The following ST7 variants were observed in gnomAD, a reference collection of about 807,000 sequenced individuals.
The protein encoded by ST7 is suppression of tumorigenicity 7, also known as suppressor of tumorigenicity 7 protein.
ST7 carries 28 observed loss-of-function variants against 78.7 expected under a neutral mutation model. That is an observed-to-expected ratio of 0.36 (90% CI 0.26 to 0.49). ST7 has a LOEUF of 0.49. Among genes scored for constraint, ST7 ranks in the 20% least tolerant of loss-of-function variants. The pLI is 0.99. For synonymous variants in ST7, 247 were observed against 249.6 expected, an observed-to-expected ratio of 0.99 and a Z score of 0.10; for missense variants, 418 against 696.0, an observed-to-expected ratio of 0.60 and a Z score of 4.49.
At chr7:117,125,340 T>A (rs1216730738) in intron 3 of ST7, among the ~76,000 whole-genome samples, 1 of 152,134 alleles carries the variant, frequency 6.6e-6, no homozygotes, top group Non-Finnish European at 1.5e-5. Flanking sequence ...CTCGACAGTA[T>A]TCTTGAAGAA....
chr7:116,955,068 C>G lies in ST7; in HGVS notation c.151+1377C>G, dbSNP rs1177180629. The G allele has an allele frequency of 2.6e-5, 12 of 468,734 alleles. No homozygotes were observed. In the Admixed American group the frequency reaches 2.9e-4, roughly 11 times the overall value. 29.0% of individuals were successfully genotyped at this position (468,734 alleles called of 1,614,324 possible). A position where few individuals can be genotyped will look rare whatever the true frequency, so the allele number is the denominator to read the frequency against. On this transcript the variant is annotated intron_variant, in intron 1 of 15. Coordinates refer to ENST00000323984, the MANE Select transcript of ST7 (RefSeq NM_001369598.1). ...TAGGTGCTGCTCAGCCCTTTTGAGT[C>G]TGTCATCGGAAAGACCATGGCTTTC...
At chr7:117,130,045 T>C (rs1804216613) in intron 4 of ST7, among the ~76,000 whole-genome samples, 198 bp downstream of exon 4, 1 of 151,952 alleles carries the variant, frequency 6.6e-6, no homozygotes, top group African/African-American at 2.4e-5. Context: ...TGTACAAAAA[T>C]GTGTAGTTTT....
At chr7:117,206,633 C>T (rs1791788241) in intron 12 of ST7, among the ~76,000 whole-genome samples, 1 of 152,190 alleles carries the variant, frequency 6.6e-6, no homozygotes, top group Non-Finnish European at 1.5e-5. Context: ...ATATGTACTA[C>T]TGTTTTCCAA....
chr7:117,059,850 A>G (rs1798259652), intron 1 of ST7, among the ~76,000 whole-genome samples: 1 of 150,858 alleles, frequency 6.6e-6, no homozygotes, highest in Admixed American at 6.6e-5. Flanking sequence ...ACGTGTGGTA[A>G]TGTGTGCCTG....
At chr7:117,154,572 C>T (rs1465887552) in intron 9 of ST7, among the ~76,000 whole-genome samples, 1 of 152,134 alleles carries the variant, frequency 6.6e-6, no homozygotes, top group African/African-American at 2.4e-5. Context: ...ACAGGGTCAT[C>T]TGCTGGGAGT....
At chr7:117,111,808 G>C (rs559116947) in intron 2 of ST7, among the ~76,000 whole-genome samples, 1 of 152,258 alleles carries the variant, frequency 6.6e-6, no homozygotes, top group Admixed American at 6.5e-5. Context: ...GCCTCTGCAG[G>C]GAGTGTTTAT....
Position 117,190,833 on chromosome 7 carries a change from G to C in ST7, c.1152-1G>C. The C allele has an allele frequency of 6.2e-7, 1 of 1,613,750 alleles. No homozygotes were observed. On this transcript the variant is annotated splice_acceptor_variant, in intron 11 of 15. Transcript: ENST00000323984. LOFTEE classifies it high-confidence loss of function. The surrounding 1 kb of genome is among the most constrained non-coding windows in gnomAD (Gnocchi z 5.2). ...ATGGTTTTTGTCTTTCTGCTTTTCA[G>C]ATTCTCTCCTGAGGCTGCATCTCGG...
At chr7:117,129,165 A>G (rs1159899031) in intron 3 of ST7, among the ~76,000 whole-genome samples, 1 of 151,892 alleles carries the variant, frequency 6.6e-6, no homozygotes, top group Non-Finnish European at 1.5e-5. Context: ...TGATGATATT[A>G]GTATGATGAT....
intron 1 of ST7, among the ~76,000 whole-genome samples, chr7:117,067,322 T>C (rs1344319639): frequency 6.6e-6 from 1 of 151,958 alleles, no homozygotes. Flanking sequence ...TGCTGAACTG[T>C]TTTCCAAAGT....
intron 10 of ST7, 49 bp downstream of exon 10, chr7:117,171,025 AT>A: frequency 8.0e-7 from 1 of 1,255,330 alleles, no homozygotes; most frequent in South Asian, 1.4e-5. Flanking sequence ...CTTTTGATGT[AT>A]TTTCCCTGAT....
chr7:117,192,219 C>T (rs894089756), intron 12 of ST7, among the ~76,000 whole-genome samples: 2 of 152,086 alleles, frequency 1.3e-5, no homozygotes, highest in Non-Finnish European at 2.9e-5. Context: ...AAAAATTATC[C>T]TGAATTACAG....
intron 1 of ST7, among the ~76,000 whole-genome samples, chr7:117,082,543 A>T (rs1799863825): frequency 6.6e-6 from 1 of 152,228 alleles, no homozygotes; most frequent in African/African-American, 2.4e-5. Context: ...TCGACTTCCC[A>T]AATGATGTAA....
chr7:117,159,827 A>C (rs960262532), intron 9 of ST7, among the ~76,000 whole-genome samples: 5 of 152,268 alleles, frequency 3.3e-5, no homozygotes, highest in African/African-American at 9.6e-5. Flanking sequence ...CAGAAGGCGG[A>C]GGTTGCAGTG....
chr7:116,979,958 C>CTTTTTTTTT (rs745530832), intron 1 of ST7, among the ~76,000 whole-genome samples: 8,070 of 85,814 alleles, frequency 0.094, 689 homozygotes, highest in African/African-American at 0.1. Flanking sequence ...TTTTGTTTCT[C>CTTTTTTTTT]TTTTTTTTTT....
chr7:117,220,248 T>G (rs929160221), intron 14 of ST7, among the ~76,000 whole-genome samples: 3 of 152,022 alleles, frequency 2.0e-5, no homozygotes, highest in Non-Finnish European at 4.4e-5. Context: ...GTAGCAGGAG[T>G]TGCTCACTTG....
At chr7:117,098,580 T>C in intron 1 of ST7, 1 of 277,234 alleles carries the variant, frequency 3.6e-6, no homozygotes, top group Non-Finnish European at 7.2e-6. Context: ...ATTCATTCTT[T>C]CATTTTTTAC....
chr7:117,197,749 T>G (rs1215954410), intron 12 of ST7, among the ~76,000 whole-genome samples: 1 of 152,206 alleles, frequency 6.6e-6, no homozygotes, highest in African/African-American at 2.4e-5. Flanking sequence ...GGCAAAACAT[T>G]ATAACAACAG....
rs1340520323 is a variant in ST7 at position 117,167,896 on chromosome 7, TG to T, written c.964-2962del. The stretch of plus-strand genomic sequence containing the variant: ...GGGAGCAATTTCAGTCACCTGTAAA[TG>T]GGGACAAGCAGATTCAGATTGTGGG... On this transcript the variant is annotated intron_variant, in intron 9 of 15. Transcript: ENST00000323984. Among the ~76,000 whole-genome samples the T allele has an allele frequency of 2.6e-5, 4 of 151,958 alleles. No homozygotes were observed. The East Asian group carries it at 7.8e-4, about 30-fold the overall frequency.
intron 12 of ST7, among the ~76,000 whole-genome samples, chr7:117,208,909 GTGT>G (rs1563170046): frequency 2.2e-4 from 6 of 26,990 alleles, no homozygotes; most frequent in African/African-American, 3.5e-4. Context: ...GTGGGTGTGT[GTGT>G]GTGTGTGTGT....
Sources: allele counts gnomAD v4.1 joint callset (sites outside exome capture counted in the v4.1 genomes callset), GRCh38; gene constraint gnomAD v4.1.1; non-coding constraint Gnocchi (gnomAD v3.1); transcripts MANE v1.5; gene names NCBI Gene and HGNC (gene_info 2026-07-23, HGNC 2026-07-21).